The following PHF24 variants were observed in gnomAD, a reference collection of about 807,000 sequenced individuals.
PHF24 encodes the protein Galpha inhibitory interacting protein.
In PHF24, 25 loss-of-function variants were observed where a neutral mutation model predicts 42.6. The observed-to-expected ratio is 0.59, with a 90% CI of 0.43 to 0.82. PHF24 has a LOEUF of 0.82. Among genes scored for constraint, PHF24 ranks in the 40% least tolerant of loss-of-function variants. The probability of loss-of-function intolerance (pLI) is 0.00; values close to 1 mark genes in which losing one functional copy is unlikely to be tolerated. For missense variants in PHF24, 470 were observed against 538.1 expected (o/e 0.87, Z 1.25); for synonymous variants, 185 against 204.8 (o/e 0.90, Z 0.83).
chr9:34,918,235 C>A, the PHF24 span: 2 of 1,489,690 alleles, frequency 1.3e-6, no homozygotes, highest in Non-Finnish European at 1.9e-6. Flanking sequence ...GTGACAGAAG[C>A]CCTCATCCGC....
chr9:34,704,181 C>T, the PHF24 span, among the ~76,000 whole-genome samples: 10,140 of 150,970 alleles, frequency 0.067, 769 homozygotes, highest in African/African-American at 0.18. Flanking sequence ...CCTGTGCCAC[C>T]GTGCCTGGCT....
chr9:34,846,624 T>G, the PHF24 span, among the ~76,000 whole-genome samples: 2 of 152,322 alleles, frequency 1.3e-5, no homozygotes, highest in African/African-American at 4.8e-5. Context: ...TTTGTCAATT[T>G]TGGCTTTTGT....
the PHF24 span, among the ~76,000 whole-genome samples, chr9:34,870,517 G>A: frequency 6.6e-6 from 1 of 151,566 alleles, no homozygotes; most frequent in South Asian, 2.1e-4. Context: ...GTATTATACA[G>A]TATGTAGCCT....
the PHF24 span, chr9:34,835,981 T>C: frequency 1.4e-5 from 10 of 702,504 alleles, no homozygotes; most frequent in Non-Finnish European, 2.4e-5. Context: ...AGCCATAGCA[T>C]TGCAAATTTG....
At chr9:34,810,077 C>T in the PHF24 span, among the ~76,000 whole-genome samples, 24 of 151,908 alleles carry the variant, frequency 1.6e-4, no homozygotes, top group Non-Finnish European at 2.8e-4. Flanking sequence ...GCTGTCCGCC[C>T]TCAGCCCAGC....
At chr9:34,933,738 C>G in the PHF24 span, among the ~76,000 whole-genome samples, 9 of 147,336 alleles carry the variant, frequency 6.1e-5, no homozygotes, top group African/African-American at 2.0e-4. Flanking sequence ...AAAAAAAAAA[C>G]AAAAACAAAA....
At chr9:34,742,858 A>G in the PHF24 span, among the ~76,000 whole-genome samples, 1 of 152,234 alleles carries the variant, frequency 6.6e-6, no homozygotes, top group Admixed American at 6.5e-5. Flanking sequence ...GTCATGCTTC[A>G]TGAACATGTA....
intron 1 of PHF24, among the ~76,000 whole-genome samples, chr9:34,961,949 G>GT (rs950957853): frequency 2.0e-5 from 3 of 152,086 alleles, no homozygotes; most frequent in African/African-American, 7.2e-5. Context: ...TTGTATGTTT[G>GT]TTTTTTTGAG....
chr9:34,888,669 C>T, the PHF24 span, among the ~76,000 whole-genome samples: 1 of 152,218 alleles, frequency 6.6e-6, no homozygotes, highest in Non-Finnish European at 1.5e-5. Context: ...CACCATGGCA[C>T]TCTAAAGGAC....
chr9:34,729,329 C>G, the PHF24 span: 2 of 1,552,008 alleles, frequency 1.3e-6, no homozygotes, highest in Non-Finnish European at 1.7e-6. Context: ...CATGGTGGCT[C>G]CTTTTCACTT....
the PHF24 span, among the ~76,000 whole-genome samples, chr9:34,768,323 C>G: frequency 1.3e-5 from 2 of 152,172 alleles, no homozygotes; most frequent in African/African-American, 4.8e-5. Context: ...AAATATGGGC[C>G]TCAGCAAGAC....
At chr9:34,770,982 G>A in the PHF24 span, among the ~76,000 whole-genome samples, 157 of 152,088 alleles carry the variant, frequency 1.0e-3, 3 homozygotes, top group East Asian at 0.023. Context: ...GCATTGTGGC[G>A]CATGACTGTA....
At chr9:34,766,703 CAA>C in the PHF24 span, among the ~76,000 whole-genome samples, 1 of 152,260 alleles carries the variant, frequency 6.6e-6, no homozygotes, top group South Asian at 2.1e-4. Flanking sequence ...CTCAACTCGT[CAA>C]AGTCATTCTC....
chr9:34,860,921 T>G, the PHF24 span, among the ~76,000 whole-genome samples: 1 of 152,128 alleles, frequency 6.6e-6, no homozygotes, highest in African/African-American at 2.4e-5. Flanking sequence ...GAGGAACACA[T>G]GAGAAATGCT....
At chr9:34,851,901 C>T in the PHF24 span, among the ~76,000 whole-genome samples, 1 of 152,206 alleles carries the variant, frequency 6.6e-6, no homozygotes, top group Admixed American at 6.5e-5. Flanking sequence ...TTACATACCA[C>T]CATTATAGTG....
the PHF24 span, chr9:34,834,911 G>C: frequency 2.1e-6 from 3 of 1,418,344 alleles, no homozygotes; most frequent in East Asian, 2.6e-5. Context: ...ATCCTTCAAG[G>C]GGGGCTTGGG....
chr9:34,820,008 T>A, the PHF24 span, among the ~76,000 whole-genome samples: 2 of 152,114 alleles, frequency 1.3e-5, no homozygotes, highest in Non-Finnish European at 2.9e-5. Context: ...TATATCCTTT[T>A]GATGAGTTGA....
At chr9:34,942,291 A>C in the PHF24 span, among the ~76,000 whole-genome samples, 9 of 152,312 alleles carry the variant, frequency 5.9e-5, no homozygotes, top group Non-Finnish European at 1.2e-4. Flanking sequence ...TGTTGCTTCC[A>C]GATCCCAAAG....
chr9:34,904,178 G>GT, the PHF24 span, among the ~76,000 whole-genome samples: 1 of 152,184 alleles, frequency 6.6e-6, no homozygotes, highest in Non-Finnish European at 1.5e-5. Context: ...AACAGTGACA[G>GT]TTTGACTTCC....
Sources: allele counts gnomAD v4.1 joint callset (sites outside exome capture counted in the v4.1 genomes callset), GRCh38; gene constraint gnomAD v4.1.1; transcripts MANE v1.5; gene names NCBI Gene and HGNC (gene_info 2026-07-23, HGNC 2026-07-21).